Variants in DGKB observed in about 807,000 individuals in gnomAD.
DGKB encodes 90 kDa diacylglycerol kinase.
Under a neutral mutation model 114.3 loss-of-function variants are expected in DGKB, and 67 were observed. The observed-to-expected ratio is 0.59, with a 90% CI of 0.48 to 0.72. The LOEUF is 0.72. Ranked by LOEUF, DGKB falls within the 30% of genes least tolerant of loss-of-function variation. DGKB has a pLI of 0.00. For synonymous variants in DGKB, 398 were observed against 323.1 expected (o/e 1.23, Z -2.49); for missense variants, 907 against 975.2 (o/e 0.93, Z 0.93).
chr7:14,903,246 TG>T (rs1452120788), upstream of DGKB: 5 of 154,398 alleles, frequency 3.2e-5, 1 homozygote, highest in African/African-American at 1.2e-4. Context: ...TGTGTGTGTG[TG>T]TGTGTGTTGA....
intron 20 of DGKB, among the ~76,000 whole-genome samples, chr7:14,553,614 C>T (rs1210789967): frequency 6.6e-6 from 1 of 152,016 alleles, no homozygotes; most frequent in Non-Finnish European, 1.5e-5. Context: ...CACTGTAGAA[C>T]AGGTTGAAAG....
intron 2 of DGKB, among the ~76,000 whole-genome samples, chr7:14,839,410 T>TC (rs1188026769): frequency 6.8e-6 from 1 of 147,278 alleles, no homozygotes; most frequent in Non-Finnish European, 1.5e-5. Context: ...TCTTCTTCTT[T>TC]TTTTTTTTTT....
intron 23 of DGKB, among the ~76,000 whole-genome samples, chr7:14,261,959 T>C (rs1562774480): frequency 2.0e-5 from 3 of 152,226 alleles, no homozygotes; most frequent in African/African-American, 4.8e-5. Context: ...CAAGTCATGA[T>C]AATACGATTA....
At chr7:14,700,455 GCCT>G (rs1824963708) in intron 7 of DGKB, among the ~76,000 whole-genome samples, 1 of 151,980 alleles carries the variant, frequency 6.6e-6, no homozygotes. Flanking sequence ...TCAGGTGATC[GCCT>G]GCCCGTCTTG....
chr7:14,308,672 G>T (rs941483293), intron 23 of DGKB, among the ~76,000 whole-genome samples: 1 of 152,158 alleles, frequency 6.6e-6, no homozygotes, highest in East Asian at 1.9e-4. Context: ...CAATATGAAG[G>T]TAGATAAAAG....
chr7:14,835,766 A>C (rs952925012), intron 2 of DGKB, among the ~76,000 whole-genome samples: 1 of 152,190 alleles, frequency 6.6e-6, no homozygotes, highest in African/African-American at 2.4e-5. Context: ...TATTTTGGAA[A>C]CATGACTAAG....
intron 1 of DGKB, among the ~76,000 whole-genome samples, chr7:14,866,607 T>C (rs1179563224): frequency 2.0e-5 from 3 of 152,180 alleles, no homozygotes; most frequent in Admixed American, 1.3e-4. Context: ...TGTCTGGATA[T>C]ATCATCATTT....
At chr7:14,949,865 C>T (rs1786085824) in intron 1 of DGKB, among the ~76,000 whole-genome samples, 1 of 151,686 alleles carries the variant, frequency 6.6e-6, no homozygotes, top group Non-Finnish European at 1.5e-5. Flanking sequence ...GAAAACCAAA[C>T]ACTGCATGTT....
chr7:14,955,617 C>G (rs1006715559), intron 1 of DGKB, among the ~76,000 whole-genome samples: 2 of 151,910 alleles, frequency 1.3e-5, no homozygotes, highest in African/African-American at 4.8e-5. Context: ...CCCTGCCCAA[C>G]AAGATGCTGG....
chr7:14,447,274 C>T (rs1339664735), intron 21 of DGKB, among the ~76,000 whole-genome samples: 3 of 152,076 alleles, frequency 2.0e-5, no homozygotes, highest in Non-Finnish European at 2.9e-5. Context: ...CCCTCTACTG[C>T]TGAGAGCTTT....
chr7:14,388,273 A>G (rs555624150), intron 21 of DGKB, among the ~76,000 whole-genome samples: 20 of 151,100 alleles, frequency 1.3e-4, no homozygotes, highest in Non-Finnish European at 2.5e-4. Flanking sequence ...AGCCAAAAAA[A>G]AAAAGTGGAT....
intron 1 of DGKB, among the ~76,000 whole-genome samples, chr7:14,944,013 G>A (rs1045673684): frequency 1.1e-4 from 17 of 151,778 alleles, no homozygotes; most frequent in African/African-American, 3.1e-4. Flanking sequence ...TTAACACAGC[G>A]GAGTTTTCTG....
intron 23 of DGKB, among the ~76,000 whole-genome samples, chr7:14,301,817 A>G (rs1330847936): frequency 4.6e-5 from 7 of 151,950 alleles, no homozygotes; most frequent in Non-Finnish European, 1.0e-4. Context: ...ATGGGTTTTC[A>G]CTCATTTCAG....
At chr7:14,888,466 A>G (rs1278235899) in intron 1 of DGKB, among the ~76,000 whole-genome samples, 6 of 151,728 alleles carry the variant, frequency 4.0e-5, no homozygotes, top group East Asian at 1.9e-4. Flanking sequence ...GGAGCCGTAC[A>G]TCGGAAAGTT....
chr7:14,692,287 C>G (rs1285497349), intron 9 of DGKB, among the ~76,000 whole-genome samples: 30 of 152,132 alleles, frequency 2.0e-4, no homozygotes, highest in Admixed American at 2.0e-3. Context: ...GATTTACTTG[C>G]TCATTCCTGC....
At chr7:14,369,338 G>A (rs1356161690) in intron 21 of DGKB, among the ~76,000 whole-genome samples, 1 of 152,032 alleles carries the variant, frequency 6.6e-6, no homozygotes, top group Non-Finnish European at 1.5e-5. Context: ...CATTTGGGTT[G>A]GTTTCAAGTC....
intron 21 of DGKB, among the ~76,000 whole-genome samples, chr7:14,352,342 G>T (rs1813618428): frequency 6.6e-6 from 1 of 151,876 alleles, no homozygotes; most frequent in African/African-American, 2.4e-5. Flanking sequence ...AAAAAAAAGT[G>T]GTTATTTAAG....
intron 21 of DGKB, among the ~76,000 whole-genome samples, chr7:14,467,840 T>G (rs1780697923): frequency 6.6e-6 from 1 of 152,118 alleles, no homozygotes; most frequent in Non-Finnish European, 1.5e-5. Flanking sequence ...TAGTTCCAAT[T>G]AGCCATGCCA....
Position 14,574,324 on chromosome 7 carries a change from C to T in DGKB, c.1658G>A (p.Ser553Asn), listed in dbSNP as rs1458860578. ...CCACCTGTCCAACATGATTTCTGTG[C>T]TGTTTTCAATGTCTTTTAGAATTTT... ...LMKILKDIEN[S>N]TEIMLDRWKF... The change falls in exon 20 of 26, where the codon AGC becomes AAC. Residue 553 changes from serine to asparagine, a missense_variant. Transcript: ENST00000402815. 1 of 1,612,990 alleles carries T rather than the reference C, an allele frequency of 6.2e-7. No individual in the cohort carries two copies. Among genetic ancestry groups the T allele is most frequent in the African/African-American group, 1.3e-5 (1 of 74,832 alleles).
Sources: gnomAD v4.1 joint callset for allele counts (sites outside exome capture counted in the v4.1 genomes callset) on GRCh38, gnomAD v4.1.1 for gene constraint, MANE v1.5 for transcripts, NCBI Gene and HGNC (gene_info 2026-07-23, HGNC 2026-07-21) for gene names.